POT1: variants seen among roughly 807,000 people sequenced by gnomAD.
The protein encoded by POT1 is protection of telomeres 1.
Under a neutral mutation model 78.5 loss-of-function variants are expected in POT1, and 47 were observed. That is an observed-to-expected ratio of 0.60 (90% CI 0.47 to 0.76). POT1 has a LOEUF of 0.76. POT1 is among the 30% of genes least tolerant of loss of function. The pLI is 0.00. For synonymous variants in POT1, 259 were observed against 260.7 expected, an observed-to-expected ratio of 0.99 and a Z score of 0.06; for missense variants, 646 against 749.9, an observed-to-expected ratio of 0.86 and a Z score of 1.62.
chr7:124,823,381 G>T lies in POT1; in HGVS notation c.*581C>A, dbSNP rs751100694. The T allele has an allele frequency of 9.9e-5, 15 of 151,770 alleles. No homozygotes were observed. Among genetic ancestry groups the T allele is most frequent in the Non-Finnish European group, 1.9e-4 (13 of 67,888 alleles). 9.4% of individuals were successfully genotyped at this position (151,770 alleles called of 1,614,324 possible). A position where few individuals can be genotyped will look rare whatever the true frequency, so the allele number is the denominator to read the frequency against. On this transcript the variant is annotated 3_prime_UTR_variant, in exon 19 of 19. Transcript: ENST00000357628. Reference sequence around the variant, plus strand: ...TGTTTGTATAAAATTGAATATTCATGATTTTAAATTTGACAAACACTGTCA... The same window carrying T: ...TGTTTGTATAAAATTGAATATTCATTATTTTAAATTTGACAAACACTGTCA...
intron 3 of POT1, among the ~76,000 whole-genome samples, chr7:124,904,053 C>A (rs1475987692): frequency 3.3e-5 from 5 of 152,094 alleles, no homozygotes; most frequent in Non-Finnish European, 2.9e-5. Flanking sequence ...AAGTCCAGGA[C>A]CAGACAGATC....
intron 11 of POT1, among the ~76,000 whole-genome samples, chr7:124,849,046 T>TTGTTG: frequency 6.6e-6 from 1 of 152,288 alleles, no homozygotes; most frequent in Admixed American, 6.5e-5. Flanking sequence ...CTATTATACA[T>TTGTTG]AACAGTACAT....
chr7:124,920,172 A>G (rs1312207029), intron 2 of POT1, among the ~76,000 whole-genome samples: 2 of 152,174 alleles, frequency 1.3e-5, no homozygotes, highest in African/African-American at 2.4e-5. Context: ...ATTCACCATC[A>G]CAAAAACTGG....
At chr7:124,911,165 A>AT (rs772845683) in intron 3 of POT1, among the ~76,000 whole-genome samples, 8 of 152,124 alleles carry the variant, frequency 5.3e-5, no homozygotes, top group Non-Finnish European at 1.2e-4. Flanking sequence ...CTAAGCTGAA[A>AT]TAAAGTCTTG....
chr7:124,837,153 AT>A, intron 14 of POT1: 5 of 261,138 alleles, frequency 1.9e-5, no homozygotes, highest in Non-Finnish European at 2.3e-5. Context: ...GTACTTCACC[AT>A]TTTCTCTTGG....
Position 124,866,607 on chromosome 7 carries a change from C to T in POT1, c.256-2967G>A, listed in dbSNP as rs192082568. Among the ~76,000 whole-genome samples, 5 of 152,284 alleles carry T rather than the reference C, an allele frequency of 3.3e-5. No homozygotes were observed. The East Asian group carries it at 7.8e-4, about 24-fold the overall frequency. On this transcript the variant is annotated intron_variant, in intron 7 of 18. Coordinates refer to ENST00000357628, the MANE Select transcript of POT1 (RefSeq NM_015450.3). Reference sequence around the variant, plus strand: ...CTCTGGTTTCTTGTTGTGAAAATTCCAGCTTTCAGCTGCCTTGAACTTTGA... The same window carrying T: ...CTCTGGTTTCTTGTTGTGAAAATTCTAGCTTTCAGCTGCCTTGAACTTTGA...
chr7:124,869,663 A>G (rs1795820102), intron 7 of POT1, among the ~76,000 whole-genome samples: 1 of 151,948 alleles, frequency 6.6e-6, no homozygotes, highest in Non-Finnish European at 1.5e-5. Context: ...GCTCACCACA[A>G]CCTCCGCCCT....
At chr7:124,851,207 G>A (rs186430877) in intron 11 of POT1, among the ~76,000 whole-genome samples, 113 of 152,268 alleles carry the variant, frequency 7.4e-4, no homozygotes, top group African/African-American at 2.3e-3. Context: ...AGGCTGAGGA[G>A]GGAGGATATC....
At chr7:124,851,839 A>T (rs779359814) in intron 11 of POT1, 33 bp downstream of exon 11, 1 of 1,376,728 alleles carries the variant, frequency 7.3e-7, no homozygotes, top group Non-Finnish European at 1.0e-6. Context: ...ATTTAGCAAG[A>T]ACTAAACTGT....
intron 3 of POT1, among the ~76,000 whole-genome samples, chr7:124,901,138 TG>T (rs1393524423): frequency 6.6e-6 from 1 of 152,136 alleles, no homozygotes; most frequent in African/African-American, 2.4e-5. Context: ...CTGACAGCTT[TG>T]AAGAGAGCAG....
chr7:124,891,732 T>A (rs929759607), intron 6 of POT1, among the ~76,000 whole-genome samples: 2 of 151,588 alleles, frequency 1.3e-5, no homozygotes, highest in Admixed American at 6.6e-5. Context: ...AAGTACCTTA[T>A]ATTTATAGCA....
intron 14 of POT1, among the ~76,000 whole-genome samples, chr7:124,836,037 G>A (rs1265954025): frequency 6.6e-6 from 1 of 152,064 alleles, no homozygotes; most frequent in African/African-American, 2.4e-5. Context: ...CAGGCAAAAT[G>A]AAAAGGATTT....
chr7:124,891,586 CA>C, intron 6 of POT1, among the ~76,000 whole-genome samples: 1 of 151,668 alleles, frequency 6.6e-6, no homozygotes, highest in Non-Finnish European at 1.5e-5. Flanking sequence ...TTGTGACACT[CA>C]ATTCCCTATT....
At chr7:124,868,330 A>G (rs1181241378) in intron 7 of POT1, among the ~76,000 whole-genome samples, 1 of 152,166 alleles carries the variant, frequency 6.6e-6, no homozygotes, top group Non-Finnish European at 1.5e-5. Flanking sequence ...AGAAAAATAT[A>G]GTAATGCTAA....
intron 3 of POT1, among the ~76,000 whole-genome samples, chr7:124,907,440 C>T (rs564573313): frequency 5.0e-4 from 76 of 152,112 alleles, no homozygotes; most frequent in Non-Finnish European, 9.6e-4. Flanking sequence ...TGCTTCACCC[C>T]CCACAAAATT....
chr7:124,906,963 C>T (rs1796780484), intron 3 of POT1, among the ~76,000 whole-genome samples: 2 of 152,034 alleles, frequency 1.3e-5, no homozygotes, highest in Non-Finnish European at 2.9e-5. Context: ...GTGTTCTAAG[C>T]TTCTGAGAAG....
chr7:124,831,621 G>A (rs1373623637), intron 15 of POT1, among the ~76,000 whole-genome samples: 25 of 152,022 alleles, frequency 1.6e-4, no homozygotes, highest in Admixed American at 1.6e-3. Context: ...ATTATGGTCT[G>A]TAAATGAAAC....
At chr7:124,872,338 T>C (rs1453110818) in intron 6 of POT1, among the ~76,000 whole-genome samples, 3 of 152,212 alleles carry the variant, frequency 2.0e-5, no homozygotes, top group Admixed American at 6.6e-5. Flanking sequence ...TACATAGTAG[T>C]ACTCCCTATC....
chr7:124,904,892 A>C (rs1196035646), intron 3 of POT1, among the ~76,000 whole-genome samples: 1 of 152,226 alleles, frequency 6.6e-6, no homozygotes, highest in African/African-American at 2.4e-5. Context: ...TCCCATTCAC[A>C]ATTGCTTCAA....
Sources: allele counts gnomAD v4.1 joint callset (sites outside exome capture counted in the v4.1 genomes callset), GRCh38; gene constraint gnomAD v4.1.1; transcripts MANE v1.5; gene names NCBI Gene and HGNC (gene_info 2026-07-23, HGNC 2026-07-21).